Variants in HYDIN observed in about 807,000 individuals in gnomAD.
The protein encoded by HYDIN is HYDIN axonemal central pair apparatus protein, also known as axonemal central pair apparatus protein HYDIN.
HYDIN carries 132 observed loss-of-function variants against 403.9 expected under a neutral mutation model. The ratio of observed to expected loss-of-function variants is 0.33; its 90% CI spans 0.28 to 0.38. The LOEUF (loss-of-function observed/expected upper bound fraction) is 0.38. Ranked by LOEUF, HYDIN falls within the 10% of genes least tolerant of loss-of-function variation. HYDIN has a pLI of 1.00. For missense variants in HYDIN, 2,827 were observed against 5,009.5 expected (o/e 0.56, Z 13.15); for synonymous variants, 1,202 against 1,891.7 (o/e 0.64, Z 9.46).
At chr16:71,141,314 C>T (rs1239628427) in intron 7 of HYDIN, among the ~76,000 whole-genome samples, 1 of 149,304 alleles carries the variant, frequency 6.7e-6, no homozygotes, top group Non-Finnish European at 1.5e-5. Context: ...TATCTTATAT[C>T]AGAATAAATG....
At chr16:71,217,365 G>A (rs2088942469) in intron 1 of HYDIN, among the ~76,000 whole-genome samples, 2 of 152,138 alleles carry the variant, frequency 1.3e-5, no homozygotes, top group Admixed American at 1.3e-4. Flanking sequence ...AAAATCATCT[G>A]AATTAAGTAG....
At chr16:71,152,941 A>C (rs2085599300) in intron 6 of HYDIN, 158 bp from the exon 7 acceptor site, 1 of 603,874 alleles carries the variant, frequency 1.7e-6, no homozygotes, top group Non-Finnish European at 2.9e-6. Flanking sequence ...CTAATGTGAA[A>C]GAACTTTAGT....
chr16:71,193,395 T>G (rs371960553), intron 1 of HYDIN, among the ~76,000 whole-genome samples: 1 of 152,224 alleles, frequency 6.6e-6, no homozygotes, highest in Admixed American at 6.5e-5. Context: ...TAATGTCTTC[T>G]TTCAGAGAAT....
intron 13 of HYDIN, among the ~76,000 whole-genome samples, chr16:71,075,740 C>CA (rs2082608211): frequency 6.6e-6 from 1 of 151,288 alleles, no homozygotes; most frequent in African/African-American, 2.4e-5. Context: ...GGAAGAATAA[C>CA]AGAGTGGCCA....
At chr16:71,063,841 C>T (rs960704893) in intron 16 of HYDIN, among the ~76,000 whole-genome samples, 54 of 152,012 alleles carry the variant, frequency 3.6e-4, no homozygotes, top group East Asian at 9.6e-4. Flanking sequence ...GCTTTTTCGT[C>T]TTCAAGTTTC....
At chr16:70,962,499 G>A (rs2078448889) in intron 37 of HYDIN, among the ~76,000 whole-genome samples, 1 of 152,238 alleles carries the variant, frequency 6.6e-6, no homozygotes, top group Admixed American at 6.5e-5. Context: ...CAGCACAGGA[G>A]AGCTGCAACC....
intron 1 of HYDIN, among the ~76,000 whole-genome samples, chr16:71,212,868 G>T (rs560673384): frequency 6.0e-4 from 91 of 152,088 alleles, no homozygotes; most frequent in Admixed American, 1.8e-3. Context: ...GATAAATGGG[G>T]GAAAAAGTCG....
intron 84 of HYDIN, among the ~76,000 whole-genome samples, chr16:70,811,596 A>G (rs756370854): frequency 3.3e-4 from 49 of 150,184 alleles, no homozygotes; most frequent in Non-Finnish European, 6.5e-4. Context: ...AATATAACCT[A>G]TAAAAACAGA....
chr16:70,908,127 T>C (rs1394581), intron 49 of HYDIN, 125 bp downstream of exon 49: 7 of 711,744 alleles, frequency 9.8e-6, no homozygotes, highest in African/African-American at 5.4e-5. Context: ...GAAGCTGATA[T>C]GACAAGAGGG....
At chr16:70,943,997 C>T (rs1426392928) in intron 41 of HYDIN, 48 bp from the exon 42 acceptor site, 1 of 1,401,836 alleles carries the variant, frequency 7.1e-7, no homozygotes, top group Non-Finnish European at 9.9e-7. Context: ...CCTTGTATCT[C>T]AACAACTCCT....
At position 70,804,516 on chromosome 16, in the gene HYDIN, T is replaced by C. The variant is rs1305319893; in HGVS notation, c.*3064A>G. ...GGTAAGACGGATGAAATCATCAGGA[T>C]GTGGAAACCGCATTCTTTGGTGAAT... On this transcript the variant is annotated 3_prime_UTR_variant, in exon 86 of 86. Transcript: ENST00000393567. Among the ~76,000 whole-genome samples, 1 of 152,182 alleles carries C rather than the reference T, an allele frequency of 6.6e-6. No individual in the cohort carries two copies. The highest frequency in any genetic ancestry group is 2.4e-5 in the African/African-American group (1 of 41,440).
intron 8 of HYDIN, among the ~76,000 whole-genome samples, chr16:71,133,874 C>T (rs191668233): frequency 6.6e-6 from 1 of 151,558 alleles, no homozygotes; most frequent in Admixed American, 6.6e-5. Context: ...ATAAAGGTGA[C>T]CTTTTAAAGG....
chr16:70,943,123 T>C (rs979924702), intron 42 of HYDIN, among the ~76,000 whole-genome samples: 8 of 152,198 alleles, frequency 5.3e-5, no homozygotes, highest in African/African-American at 1.9e-4. Context: ...GTAAGCAATG[T>C]AGCTGTGTCT....
At chr16:71,032,260 T>C (rs867478072) in intron 18 of HYDIN, among the ~76,000 whole-genome samples, 1 of 151,644 alleles carries the variant, frequency 6.6e-6, no homozygotes, top group Admixed American at 6.6e-5. Flanking sequence ...ATACTCTTTA[T>C]GGAGTTTGAA....
At chr16:70,996,755 T>C (rs962329391) in intron 23 of HYDIN, among the ~76,000 whole-genome samples, 26 of 147,494 alleles carry the variant, frequency 1.8e-4, no homozygotes, top group African/African-American at 5.8e-4. Flanking sequence ...GGAGAAAGAA[T>C]GGAAGAAGAG....
intron 42 of HYDIN, among the ~76,000 whole-genome samples, chr16:70,943,178 CCTG>C (rs2077736011): frequency 6.6e-6 from 1 of 152,038 alleles, no homozygotes; most frequent in African/African-American, 2.4e-5. Context: ...CCTCCTCAAT[CCTG>C]CTGATCTTAT....
intron 1 of HYDIN, among the ~76,000 whole-genome samples, chr16:71,195,698 G>T (rs546005472): frequency 6.6e-6 from 1 of 152,192 alleles, no homozygotes; most frequent in African/African-American, 2.4e-5. Context: ...TCTTCCCCTT[G>T]AAAAGCTTCT....
chr16:71,159,747 T>C (rs1356138330), intron 6 of HYDIN, among the ~76,000 whole-genome samples: 2 of 151,112 alleles, frequency 1.3e-5, no homozygotes, highest in Non-Finnish European at 2.9e-5. Flanking sequence ...CAAAGGACAA[T>C]TGAGTGACAT....
intron 73 of HYDIN, among the ~76,000 whole-genome samples, chr16:70,854,421 AT>A (rs970085946): frequency 8.5e-5 from 12 of 140,698 alleles, no homozygotes; most frequent in Non-Finnish European, 9.3e-5. Context: ...TTATTTATTA[AT>A]TTTTTTTTTG....
Sources: allele counts gnomAD v4.1 joint callset (sites outside exome capture counted in the v4.1 genomes callset), GRCh38; gene constraint gnomAD v4.1.1; transcripts MANE v1.5; gene names NCBI Gene and HGNC (gene_info 2026-07-23, HGNC 2026-07-21).